SHANK2: variants seen among roughly 807,000 people sequenced by gnomAD.
SHANK2 encodes SH3 and multiple ankyrin repeat domains 2.
A neutral mutation model predicts 133.7 loss-of-function variants in SHANK2; 43 were observed. That is an observed-to-expected ratio of 0.32 (90% CI 0.25 to 0.41). SHANK2 has a LOEUF of 0.41. Among genes scored for constraint, SHANK2 ranks in the 10% least tolerant of loss-of-function variants. SHANK2 has a pLI of 1.00. For synonymous variants in SHANK2, 1,017 were observed against 952.8 expected (o/e 1.07, Z -1.24); for missense variants, 1,994 against 2,235.8 (o/e 0.89, Z 2.18).
rs1191506971 is a variant in SHANK2, at chr11:70,807,900, ACAC to A, written c.1494-732_1494-730del. 6.6e-6 allele frequency among the ~76,000 whole-genome samples: 1 copy of A among 152,140 alleles called. No homozygotes were observed. The highest frequency in any genetic ancestry group is 1.5e-5 in the Non-Finnish European group (1 of 68,032). ...CCTTGGGGACACTGCTCAGTGAGAT[ACAC>A]CAGACACAAAAGAACACAGACTGTG... is the stretch of plus-strand genomic sequence containing the variant. On this transcript the variant is annotated intron_variant, in intron 12 of 25. Coordinates refer to ENST00000601538, the MANE Select transcript of SHANK2 (RefSeq NM_012309.5). This position sits in a 1 kb window ranked among gnomAD's most constrained non-coding sequence, Gnocchi z 4.8.
intron 2 of SHANK2, among the ~76,000 whole-genome samples, chr11:71,221,129 A>AC (rs1555121001): frequency 6.0e-5 from 9 of 150,524 alleles, no homozygotes; most frequent in Admixed American, 1.3e-4. Context: ...TGAGCCCGGG[A>AC]GGCGGAGGTT....
At chr11:70,944,417 T>C (rs1172699455) in intron 10 of SHANK2, among the ~76,000 whole-genome samples, 1 of 152,174 alleles carries the variant, frequency 6.6e-6, no homozygotes, top group African/African-American at 2.4e-5. Context: ...GTGAAGCTCC[T>C]CTCCAGCAGC....
intron 15 of SHANK2, among the ~76,000 whole-genome samples, chr11:70,686,500 C>G (rs1292274967): frequency 6.6e-6 from 1 of 152,064 alleles, no homozygotes; most frequent in African/African-American, 2.4e-5. Context: ...AGCCATCCAT[C>G]ATCTGTCTAT....
At chr11:70,484,346 A>G (rs1354017576) in intron 25 of SHANK2, among the ~76,000 whole-genome samples, 2 of 152,056 alleles carry the variant, frequency 1.3e-5, no homozygotes, top group African/African-American at 4.8e-5. Context: ...TTCCCTGGCT[A>G]CTGTACATAG....
intron 12 of SHANK2, among the ~76,000 whole-genome samples, chr11:70,815,991 T>G (rs946071147): frequency 8.5e-5 from 13 of 152,344 alleles, no homozygotes; most frequent in African/African-American, 2.9e-4. Context: ...CCCCTGCTTC[T>G]TAGCCCACAC....
chr11:71,125,489 C>T (rs1952164869), intron 3 of SHANK2, among the ~76,000 whole-genome samples: 1 of 152,212 alleles, frequency 6.6e-6, no homozygotes, highest in African/African-American at 2.4e-5. Flanking sequence ...AAACCAAAGC[C>T]TCATCCAGAG....
At chr11:70,594,052 A>C (rs1447226959) in intron 17 of SHANK2, among the ~76,000 whole-genome samples, 1 of 152,160 alleles carries the variant, frequency 6.6e-6, no homozygotes, top group East Asian at 1.9e-4. Context: ...CTTCCTAGGC[A>C]CTGCCGTGTT....
chr11:70,759,651 C>G (rs1355353922), intron 14 of SHANK2, among the ~76,000 whole-genome samples: 1 of 152,164 alleles, frequency 6.6e-6, no homozygotes, highest in Non-Finnish European at 1.5e-5. Flanking sequence ...CAATAAGAGA[C>G]TGGATTGTAA....
chr11:71,117,803 T>G (rs1555100655), intron 4 of SHANK2, among the ~76,000 whole-genome samples: 1 of 152,140 alleles, frequency 6.6e-6, no homozygotes, highest in African/African-American at 2.4e-5. Context: ...TTTGTACACT[T>G]TGTAATAAGC....
intron 15 of SHANK2, among the ~76,000 whole-genome samples, chr11:70,674,485 A>G (rs563486111): frequency 4.6e-5 from 7 of 152,228 alleles, no homozygotes; most frequent in Admixed American, 4.6e-4. Flanking sequence ...AGTAGCTGTA[A>G]TTATGGGAGC....
At chr11:70,911,058 G>C in intron 10 of SHANK2, 1 of 456,998 alleles carries the variant, frequency 2.2e-6, no homozygotes, top group South Asian at 1.5e-5. Context: ...TCAGAAGATC[G>C]GCATTCACCC....
intron 14 of SHANK2, among the ~76,000 whole-genome samples, chr11:70,775,766 C>T (rs1346961257): frequency 2.0e-5 from 3 of 152,208 alleles, no homozygotes; most frequent in African/African-American, 4.8e-5. Flanking sequence ...CTTTACACAT[C>T]CACTCTACAT....
chr11:70,513,473 A>G (rs2059229571), intron 17 of SHANK2, among the ~76,000 whole-genome samples: 3 of 152,248 alleles, frequency 2.0e-5, no homozygotes, highest in African/African-American at 7.2e-5. Context: ...AGCTAAAACA[A>G]AAACATTAAC....
chr11:70,638,199 G>C (rs1044261302), intron 17 of SHANK2, among the ~76,000 whole-genome samples: 1 of 152,216 alleles, frequency 6.6e-6, no homozygotes, highest in African/African-American at 2.4e-5. Context: ...TACAGAGTCC[G>C]GGGGGAACAG....
Position 70,739,898 on chromosome 11 carries a change from G to A in SHANK2, c.1778-41135C>T, listed in dbSNP as rs1946484016. Among the ~76,000 whole-genome samples, 1 of 152,262 alleles carries A rather than the reference G, an allele frequency of 6.6e-6. No homozygotes were observed. The highest frequency in any genetic ancestry group is 1.5e-5 in the Non-Finnish European group (1 of 68,052). On this transcript the variant is annotated intron_variant, in intron 14 of 25. Transcript: ENST00000601538. This position sits in a 1 kb window ranked among gnomAD's most constrained non-coding sequence, Gnocchi z 4.3. The stretch of plus-strand genomic sequence containing the variant: ...GAAGACAGGCCAGAGCCGCCGCAGA[G>A]GATGATGATCCCGAATCCTGGCATT...
At position 70,472,883 on chromosome 11, in the gene SHANK2, G is replaced by A. The variant is rs782358401; in HGVS notation, c.5536C>T (p.Leu1846=). The A allele has an allele frequency of 2.5e-6, 4 of 1,614,200 alleles. No individual in the cohort carries two copies. The highest frequency in any genetic ancestry group is 3.4e-6 in the Non-Finnish European group (4 of 1,180,026). Reference sequence around the variant, plus strand: ...AGCAGCCGTCCTTATCTGTCCAGCAGCTGTTTCAAAGCCCTTTCTATGTTC... The same window carrying A: ...AGCAGCCGTCCTTATCTGTCCAGCAACTGTTTCAAAGCCCTTTCTATGTTC... ...RMNIERALKQ[L]LDR is the part of the protein sequence containing the mutation. Residue 1846 remains leucine (L), a synonymous_variant, in exon 26 of 26, where the codon CTG becomes TTG. Coordinates refer to ENST00000601538, the MANE Select transcript of SHANK2 (RefSeq NM_012309.5). The surrounding 1 kb of genome is among the most constrained non-coding windows in gnomAD (Gnocchi z 4.4).
In SHANK2 at chr11:70,535,997, C is replaced by T. The variant is rs1284949197; in HGVS notation, c.2062-33066G>A. The stretch of plus-strand genomic sequence containing the variant: ...CGTGGGGGCTGGGCCTGAAGCCAGA[C>T]CAGCCCTACAGGGCCCAACTCTCTG... On this transcript the variant is annotated intron_variant, in intron 17 of 25. Coordinates refer to ENST00000601538, the MANE Select transcript of SHANK2 (RefSeq NM_012309.5). This position sits in a 1 kb window ranked among gnomAD's most constrained non-coding sequence, Gnocchi z 4.3. Among the ~76,000 whole-genome samples the T allele has an allele frequency of 2.0e-5, 3 of 151,614 alleles. No individual in the cohort carries two copies. The highest frequency in any genetic ancestry group is 7.3e-5 in the African/African-American group (3 of 40,894).
chr11:70,539,347 G>T (rs1479890179), intron 17 of SHANK2, among the ~76,000 whole-genome samples: 1 of 152,220 alleles, frequency 6.6e-6, no homozygotes, highest in African/African-American at 2.4e-5. Context: ...TCCATTTAAA[G>T]AAAGTAGAGT....
At chr11:70,643,009 C>G (rs1555006904) in intron 17 of SHANK2, among the ~76,000 whole-genome samples, 1 of 152,164 alleles carries the variant, frequency 6.6e-6, no homozygotes, top group East Asian at 1.9e-4. Flanking sequence ...CTGATTTGAT[C>G]CTTAGACATC....
Sources: allele counts gnomAD v4.1 joint callset (sites outside exome capture counted in the v4.1 genomes callset), GRCh38; gene constraint gnomAD v4.1.1; non-coding constraint Gnocchi (gnomAD v3.1); transcripts MANE v1.5; gene names NCBI Gene and HGNC (gene_info 2026-07-23, HGNC 2026-07-21).